Variants in XPO7 observed in about 807,000 individuals in gnomAD.
XPO7 encodes exportin 7.
Under a neutral mutation model 144.3 loss-of-function variants are expected in XPO7, and 21 were observed. The ratio of observed to expected loss-of-function variants is 0.15; its 90% CI spans 0.10 to 0.21. The LOEUF (loss-of-function observed/expected upper bound fraction) is 0.21, where lower values mean the gene tolerates loss of function less well. XPO7 is among the 10% of genes least tolerant of loss of function. The pLI is 1.00. For missense variants in XPO7, 808 were observed against 1,325.8 expected, an observed-to-expected ratio of 0.61 and a Z score of 6.06; for synonymous variants, 580 against 499.6, an observed-to-expected ratio of 1.16 and a Z score of -2.15.
In XPO7 at chr8:21,999,666, C is replaced by G; in HGVS notation, c.2774C>G (p.Thr925Ser). Reference protein sequence around the residue: ...YILSSISEGLTALDTMVCTGC... With the variant: ...YILSSISEGLSALDTMVCTGC... ...CTCTCTTCCATTTCTGAAGGACTTA[C>G]TGCACTTGGTAAGCACCTGAGGTGG... Residue 925 changes from threonine (T) to serine (S), a missense_variant, in exon 24 of 28, where the codon ACT becomes AGT. Thr to Ser is a moderately conservative substitution (Grantham distance 58). Coordinates refer to ENST00000252512, the MANE Select transcript of XPO7 (RefSeq NM_015024.5). 1.9e-6 allele frequency: 3 copies of G among 1,614,040 alleles called. No homozygotes were observed. Among genetic ancestry groups the G allele is most frequent in the South Asian group, 1.1e-5 (1 of 91,084 alleles).
chr8:21,999,116 G>T lies in XPO7; in HGVS notation c.2454G>T (p.Glu818Asp), dbSNP rs752988384. 1.2e-6 allele frequency: 2 copies of T among 1,613,944 alleles called. No individual in the cohort carries two copies. Among genetic ancestry groups the T allele is most frequent in the Non-Finnish European group, 1.7e-6 (2 of 1,179,886 alleles). The part of the protein sequence containing the change: ...MYGNRILTLG[E>D]VPKDQVYALK... ...GCAATCGCATCCTGACACTAGGAGAGGTCCCAAAGGATCAGGTCTATGCTC... is the reference window on the plus strand; with the variant it reads ...GCAATCGCATCCTGACACTAGGAGATGTCCCAAAGGATCAGGTCTATGCTC... Residue 818 changes from glutamate (E) to aspartate (D), a missense_variant, in exon 23 of 28, where the codon GAG (glutamate) becomes GAT (aspartate). Around this residue, in one of 5 missense-constraint regions of XPO7, gnomAD observed 416 missense variants for 612.5 expected, o/e 0.68. Transcript: ENST00000252512.
Position 21,938,242 on chromosome 8 carries a change from C to T in XPO7, c.18+18454C>T, listed in dbSNP as rs2117262706. ...ATGTTAGATGATAATGTCTGTAATA[C>T]TGACTGGTATACCATACTTTCTTTT... On this transcript the variant is annotated intron_variant, in intron 1 of 27. Transcript: ENST00000252512. Among the ~76,000 whole-genome samples, 2 of 152,278 alleles carry T rather than the reference C, an allele frequency of 1.3e-5. 1 individual carries two copies. The highest frequency in any genetic ancestry group is 4.2e-4 in the South Asian group (2 of 4,818).
intron 1 of XPO7, among the ~76,000 whole-genome samples, chr8:21,938,692 G>C (rs979506316): frequency 1.3e-5 from 2 of 151,896 alleles, no homozygotes; most frequent in Non-Finnish European, 2.9e-5. Context: ...ACATGATGCA[G>C]TACTAGATAT....
intron 15 of XPO7, 26 bp from the exon 16 acceptor site, chr8:21,988,977 C>T (rs778348879): frequency 7.0e-7 from 1 of 1,433,570 alleles, no homozygotes; most frequent in East Asian, 2.5e-5. Context: ...GGGTCTCCTG[C>T]TTTTTTTTTT....
intron 22 of XPO7, 117 bp downstream of exon 22, chr8:21,998,954 T>TATTAGCATACAATACGA: frequency 7.0e-7 from 1 of 1,423,078 alleles, no homozygotes; most frequent in Non-Finnish European, 9.8e-7. Flanking sequence ...ATTCGTATTG[T>TATTAGCATACAATACGA]ATGCTAATAC....
intron 22 of XPO7, 98 bp downstream of exon 22, chr8:21,998,935 C>G (rs1813043431): frequency 6.7e-7 from 1 of 1,488,190 alleles, no homozygotes; most frequent in East Asian, 2.3e-5. Flanking sequence ...TGGCAGGAGC[C>G]AGGACAGCAT....
At chr8:22,004,087 C>T (rs556324863) in intron 27 of XPO7, 57 bp downstream of exon 27, 46 of 1,602,736 alleles carry the variant, frequency 2.9e-5, no homozygotes, top group African/African-American at 9.4e-5. Context: ...TTCAAATCAA[C>T]GAAACAGGCA....
At chr8:21,957,616 G>C (rs1410696714) in intron 1 of XPO7, among the ~76,000 whole-genome samples, 2 of 152,126 alleles carry the variant, frequency 1.3e-5, no homozygotes, top group African/African-American at 4.8e-5. Context: ...AGTTGGGTTT[G>C]GGGAGGGAAC....
chr8:21,932,112 G>A lies in XPO7; in HGVS notation c.18+12324G>A, dbSNP rs1420219221. Among the ~76,000 whole-genome samples the A allele has an allele frequency of 3.3e-5, 5 of 152,218 alleles. No homozygotes were observed. The South Asian group carries it at 6.2e-4, about 19-fold the overall frequency. On this transcript the variant is annotated intron_variant, in intron 1 of 27. Transcript: ENST00000252512. ...TGGTCTCGAACTCCTGACCTCAGGT[G>A]ATCCGCACGCCTCCCAAAGTGCTGA...
At chr8:21,949,507 C>T (rs1380037461) in intron 1 of XPO7, among the ~76,000 whole-genome samples, 2 of 152,220 alleles carry the variant, frequency 1.3e-5, no homozygotes, top group Admixed American at 6.5e-5. Context: ...AGAGTAGTTA[C>T]AGAATGGGTT....
At chr8:21,997,319 G>A (rs1421890471) in intron 21 of XPO7, among the ~76,000 whole-genome samples, 3 of 152,160 alleles carry the variant, frequency 2.0e-5, no homozygotes, top group African/African-American at 4.8e-5. Flanking sequence ...ATAAAAACAA[G>A]TATGGAAGAT....
At chr8:22,003,400 T>A in intron 26 of XPO7, 83 bp downstream of exon 26, 1 of 1,071,160 alleles carries the variant, frequency 9.3e-7, no homozygotes, top group Non-Finnish European at 1.4e-6. Flanking sequence ...GAGAAATGTG[T>A]ATAGAAACAC....
chr8:22,002,418 G>A (rs1813181877), intron 25 of XPO7, 146 bp downstream of exon 25: 1 of 1,079,036 alleles, frequency 9.3e-7, no homozygotes, highest in African/African-American at 1.6e-5. Context: ...AAGTTGCAGT[G>A]GATTTTGAGT....
chr8:21,959,550 G>A (rs1298470031), intron 1 of XPO7, among the ~76,000 whole-genome samples: 1 of 152,096 alleles, frequency 6.6e-6, no homozygotes, highest in Non-Finnish European at 1.5e-5. Flanking sequence ...CTGCTGCTAG[G>A]TCACTGAAGT....
At chr8:21,921,976 T>C (rs1810303607) in intron 1 of XPO7, among the ~76,000 whole-genome samples, 1 of 152,170 alleles carries the variant, frequency 6.6e-6, no homozygotes, top group Admixed American at 6.5e-5. Context: ...CACGCTTCCC[T>C]AGGTATAATG....
intron 1 of XPO7, among the ~76,000 whole-genome samples, chr8:21,937,969 T>G (rs1810874120): frequency 6.6e-6 from 1 of 152,234 alleles, no homozygotes; most frequent in Admixed American, 6.5e-5. Flanking sequence ...ATAATATTTA[T>G]GAGCCTTTCA....
At chr8:21,936,272 T>C (rs767380862) in intron 1 of XPO7, among the ~76,000 whole-genome samples, 3 of 152,204 alleles carry the variant, frequency 2.0e-5, no homozygotes, top group Non-Finnish European at 4.4e-5. Context: ...CTGATAATTA[T>C]TCCTTCTACC....
intron 1 of XPO7, chr8:21,966,150 G>T: frequency 1.5e-6 from 1 of 646,352 alleles, no homozygotes; most frequent in Non-Finnish European, 2.8e-6. Flanking sequence ...TTGGAGAGAA[G>T]AGTTTGCTTG....
intron 16 of XPO7, 73 bp from the exon 17 acceptor site, chr8:21,990,271 C>A (rs1585474759): frequency 1.4e-6 from 2 of 1,479,136 alleles, no homozygotes; most frequent in East Asian, 2.3e-5. Context: ...GTCCTTTATT[C>A]TGGAAAGTTT....
Sources: allele counts gnomAD v4.1 joint callset (sites outside exome capture counted in the v4.1 genomes callset), GRCh38; gene constraint gnomAD v4.1.1; regional missense constraint gnomAD v4.1.1; transcripts MANE v1.5; gene names NCBI Gene and HGNC (gene_info 2026-07-23, HGNC 2026-07-21).